DSCAM: variants seen among roughly 807,000 people sequenced by gnomAD.
The protein encoded by DSCAM is DS cell adhesion molecule, also known as cell adhesion molecule DSCAM.
Under a neutral mutation model 217.7 loss-of-function variants are expected in DSCAM, and 47 were observed. That is an observed-to-expected ratio of 0.22 (90% confidence interval 0.17 to 0.28). The LOEUF (loss-of-function observed/expected upper bound fraction) is 0.28, where lower values mean the gene tolerates loss of function less well. Among genes scored for constraint, DSCAM ranks in the 10% least tolerant of loss-of-function variants. The pLI is 1.00. For synonymous variants in DSCAM, 1,056 were observed against 1,015.3 expected (o/e 1.04, Z -0.76); for missense variants, 2,080 against 2,618.3 (o/e 0.79, Z 4.49).
chr21:40,052,928 T>C (rs1243842879), intron 29 of DSCAM, among the ~76,000 whole-genome samples: 6 of 152,192 alleles, frequency 3.9e-5, no homozygotes, highest in African/African-American at 1.2e-4. Context: ...TTGTGATATG[T>C]TTCATACTTT....
At chr21:40,277,393 A>T (rs1190153886) in intron 10 of DSCAM, among the ~76,000 whole-genome samples, 4 of 152,100 alleles carry the variant, frequency 2.6e-5, no homozygotes, top group Non-Finnish European at 5.9e-5. Flanking sequence ...CCCTAATGAC[A>T]ACTTGTGTAT....
chr21:40,264,780 C>T (rs1043921244), intron 11 of DSCAM, among the ~76,000 whole-genome samples: 6 of 152,032 alleles, frequency 3.9e-5, no homozygotes, highest in Non-Finnish European at 7.4e-5. Flanking sequence ...GTTAGAAAAC[C>T]CTAAAGACTC....
In DSCAM at chr21:40,378,554, A is replaced by T. The variant is rs80195048; in HGVS notation, c.509-9309T>A. Among the ~76,000 whole-genome samples the T allele has an allele frequency of 4.1e-3, 308 of 75,704 alleles. 1 individual carries two copies. Among genetic ancestry groups the T allele is most frequent in the African/African-American group, 7.0e-3 (138 of 19,648 alleles). The allele number at this position is 75,704 out of a possible 152,430, so 49.7% of individuals were successfully genotyped here. ...ATGCATAATTTAACAATGAAAACTTATTTTTTTTTTTTTTTTTTTTTTTTT... is the reference window on the plus strand; with the variant it reads ...ATGCATAATTTAACAATGAAAACTTTTTTTTTTTTTTTTTTTTTTTTTTTT... On this transcript the variant is annotated intron_variant, in intron 3 of 32. Transcript: ENST00000400454.
At chr21:40,314,148 T>G (rs142933134) in intron 8 of DSCAM, among the ~76,000 whole-genome samples, 1 of 152,200 alleles carries the variant, frequency 6.6e-6, no homozygotes, top group African/African-American at 2.4e-5. Context: ...TATATAGCCA[T>G]AGGCCGCAGA....
At chr21:40,128,219 T>A (rs1448883419) in intron 19 of DSCAM, among the ~76,000 whole-genome samples, 2 of 148,396 alleles carry the variant, frequency 1.3e-5, no homozygotes, top group Non-Finnish European at 3.0e-5. Flanking sequence ...TGGGCCAGTA[T>A]CTGGAACATA....
intron 3 of DSCAM, among the ~76,000 whole-genome samples, chr21:40,398,951 T>C: frequency 6.6e-6 from 1 of 152,192 alleles, no homozygotes; most frequent in Admixed American, 6.5e-5. Flanking sequence ...AAGTACTTGT[T>C]GCTTGAGGAA....
At chr21:40,535,988 G>A (rs1038053644) in intron 3 of DSCAM, among the ~76,000 whole-genome samples, 4 of 152,194 alleles carry the variant, frequency 2.6e-5, no homozygotes, top group Admixed American at 1.3e-4. Flanking sequence ...CAATTCTCAA[G>A]GCAAATAAAG....
At chr21:40,126,142 G>T (rs1429797157) in intron 19 of DSCAM, among the ~76,000 whole-genome samples, 1 of 151,994 alleles carries the variant, frequency 6.6e-6, no homozygotes, top group East Asian at 1.9e-4. Flanking sequence ...GACAGTTAAT[G>T]GGACTACTTT....
chr21:40,636,068 A>G (rs1344309139), intron 3 of DSCAM, among the ~76,000 whole-genome samples: 1 of 152,228 alleles, frequency 6.6e-6, no homozygotes, highest in Non-Finnish European at 1.5e-5. Flanking sequence ...GAAGATTGAA[A>G]GAAACCTGGG....
chr21:40,407,066 T>C (rs1472788535), intron 3 of DSCAM, among the ~76,000 whole-genome samples: 1 of 152,188 alleles, frequency 6.6e-6, no homozygotes, highest in Admixed American at 6.5e-5. Flanking sequence ...AAGAAATATA[T>C]TGTACAACAT....
intron 3 of DSCAM, among the ~76,000 whole-genome samples, chr21:40,612,607 G>A (rs993155865): frequency 2.6e-5 from 4 of 152,316 alleles, no homozygotes. Context: ...ACTGAGTCCT[G>A]TCCAAATCTC....
intron 1 of DSCAM, among the ~76,000 whole-genome samples, chr21:40,765,210 C>T (rs1569025460): frequency 6.6e-6 from 1 of 152,160 alleles, no homozygotes; most frequent in Non-Finnish European, 1.5e-5. Context: ...GGCATACTTT[C>T]CTAACCAATG....
intron 4 of DSCAM, among the ~76,000 whole-genome samples, chr21:40,360,209 G>C (rs2074745827): frequency 7.3e-6 from 1 of 137,154 alleles, no homozygotes; most frequent in South Asian, 2.5e-4. Flanking sequence ...TTAGCTCACT[G>C]CAAGCTCTGC....
At chr21:40,552,792 A>C (rs896748396) in intron 3 of DSCAM, among the ~76,000 whole-genome samples, 2 of 152,218 alleles carry the variant, frequency 1.3e-5, no homozygotes, top group Non-Finnish European at 2.9e-5. Flanking sequence ...TTTCACCATA[A>C]TTGATGCCAC....
chr21:40,653,538 C>T (rs768251296), intron 3 of DSCAM, among the ~76,000 whole-genome samples: 7 of 152,002 alleles, frequency 4.6e-5, no homozygotes, highest in East Asian at 1.9e-4. Flanking sequence ...CTGCAGATGC[C>T]GGCCGTGAAT....
At chr21:40,634,371 C>A (rs897362879) in intron 3 of DSCAM, among the ~76,000 whole-genome samples, 1 of 152,138 alleles carries the variant, frequency 6.6e-6, no homozygotes, top group East Asian at 1.9e-4. Flanking sequence ...GTGACGGAAC[C>A]GTGTTTCCCC....
chr21:40,339,096 T>G, intron 7 of DSCAM, 23 bp downstream of exon 7: 1 of 1,612,036 alleles, frequency 6.2e-7, no homozygotes, highest in Non-Finnish European at 8.5e-7. Flanking sequence ...TGTGTTTTTT[T>G]GAGGAGCTGA....
chr21:40,494,810 A>G (rs59074734), intron 3 of DSCAM, among the ~76,000 whole-genome samples: 131 of 149,834 alleles, frequency 8.7e-4, no homozygotes, highest in African/African-American at 2.9e-3. Flanking sequence ...AAAGATCAAC[A>G]AAACTAAAGT....
rs563908946 is a variant in DSCAM, at chr21:40,700,582, T to C, written c.362-7626A>G. 3.3e-5 allele frequency among the ~76,000 whole-genome samples: 5 copies of C among 152,306 alleles called. No individual in the cohort carries two copies. In the South Asian group the frequency reaches 1.0e-3, roughly 32 times the overall value. On this transcript the variant is annotated intron_variant, in intron 2 of 32. Coordinates refer to ENST00000400454, the MANE Select transcript of DSCAM (RefSeq NM_001389.5). ...TCAATTTGTTAAATTTTTAGAATTTTTACATGTATAGTCAGAAGAGATACT... is the reference window on the plus strand; with the variant it reads ...TCAATTTGTTAAATTTTTAGAATTTCTACATGTATAGTCAGAAGAGATACT...
Sources: gnomAD v4.1 joint callset for allele counts (sites outside exome capture counted in the v4.1 genomes callset) on GRCh38, gnomAD v4.1.1 for gene constraint, MANE v1.5 for transcripts, NCBI Gene and HGNC (gene_info 2026-07-23, HGNC 2026-07-21) for gene names.